The following BUD13 variants were observed in gnomAD, a reference collection of about 807,000 sequenced individuals.
BUD13 encodes BUD13 spliceosome associated protein.
Under a neutral mutation model 62.5 loss-of-function variants are expected in BUD13, and 47 were observed. The observed-to-expected ratio is 0.75, with a 90% confidence interval of 0.60 to 0.96. The LOEUF is 0.96. BUD13 is among the 40% of genes least tolerant of loss of function. The probability of loss-of-function intolerance (pLI) is 0.00; values close to 1 mark genes in which losing one functional copy is unlikely to be tolerated. For missense variants in BUD13, 821 were observed against 790.9 expected, an observed-to-expected ratio of 1.04 and a Z score of -0.46; for synonymous variants, 293 against 280.1, an observed-to-expected ratio of 1.05 and a Z score of -0.46.
chr11:116,771,043 C>T (rs537393045), intron 1 of BUD13, among the ~76,000 whole-genome samples: 1 of 152,316 alleles, frequency 6.6e-6, no homozygotes, highest in Admixed American at 6.5e-5. Context: ...AATCCACCCG[C>T]CTTGGCCTCC....
chr11:116,749,113 A>G (rs912819127), intron 9 of BUD13, among the ~76,000 whole-genome samples: 5 of 151,888 alleles, frequency 3.3e-5, no homozygotes, highest in Non-Finnish European at 7.4e-5. Context: ...CCCTTCCCCC[A>G]CTCTGACAGC....
chr11:116,772,986 A>G lies in BUD13; in HGVS notation c.-22T>C. The G allele has an allele frequency of 6.6e-7, 1 of 1,523,442 alleles. No individual in the cohort carries two copies. Among genetic ancestry groups the G allele is most frequent in the Non-Finnish European group, 8.8e-7 (1 of 1,130,026 alleles). 94.4% of individuals were successfully genotyped at this position (1,523,442 alleles called of 1,614,324 possible). A position where few individuals can be genotyped will look rare whatever the true frequency, so the allele number is the denominator to read the frequency against. ...CCATGGCAGCGGCGGGGGCAGAGAG[A>G]CGGGTCGGCGCTGGGGACAAAATGC... On this transcript the variant is annotated 5_prime_UTR_variant, in exon 1 of 10. Transcript: ENST00000260210.
chr11:116,756,534 G>C (rs184267523), intron 9 of BUD13, among the ~76,000 whole-genome samples: 1 of 151,968 alleles, frequency 6.6e-6, no homozygotes, highest in East Asian at 1.9e-4. Context: ...ACTGTAAAAG[G>C]GTCCTGAGAT....
At chr11:116,772,374 G>A (rs906371460) in intron 1 of BUD13, among the ~76,000 whole-genome samples, 3 of 152,176 alleles carry the variant, frequency 2.0e-5, no homozygotes, top group African/African-American at 7.2e-5. Flanking sequence ...AGCTTCTCAC[G>A]TTAGGACTAT....
At chr11:116,767,934 C>G (rs1940560448) in intron 2 of BUD13, among the ~76,000 whole-genome samples, 1 of 151,134 alleles carries the variant, frequency 6.6e-6, no homozygotes, top group East Asian at 1.9e-4. Context: ...GATCACACCA[C>G]TGTATTTCAG....
In BUD13 at chr11:116,748,367, A is replaced by G; in HGVS notation, c.*115T>C. On this transcript the variant is annotated 3_prime_UTR_variant, in exon 10 of 10. Transcript: ENST00000260210. Reference sequence around the variant, plus strand: ...CTTCTGTGGTCAAAACTGGCATTCAACAAGTTGCTGGTCTGTGTGGGCTCC... The same window carrying G: ...CTTCTGTGGTCAAAACTGGCATTCAGCAAGTTGCTGGTCTGTGTGGGCTCC... The G allele has an allele frequency of 1.1e-6, 1 of 875,296 alleles. No individual in the cohort carries two copies. The highest frequency in any genetic ancestry group is 1.8e-6 in the Non-Finnish European group (1 of 547,822). The allele number at this position is 875,296 out of a possible 1,614,324, so 54.2% of individuals were successfully genotyped here.
At chr11:116,758,998 T>C in intron 6 of BUD13, 76 bp downstream of exon 6, 1 of 1,038,974 alleles carries the variant, frequency 9.6e-7, no homozygotes. Flanking sequence ...GTTCAAAATA[T>C]CAGGTACAAT....
At chr11:116,758,073 G>A in intron 7 of BUD13, 123 bp from the exon 8 acceptor site, 1 of 1,421,164 alleles carries the variant, frequency 7.0e-7, no homozygotes, top group Non-Finnish European at 9.5e-7. Flanking sequence ...CAAATACTGA[G>A]CAGGGTAAAA....
At position 116,769,008 on chromosome 11, in the gene BUD13, C is replaced by A. The variant is rs561368425; in HGVS notation, c.237+1121G>T. 3.9e-5 allele frequency among the ~76,000 whole-genome samples: 5 copies of A among 127,832 alleles called. No individual in the cohort carries two copies. The South Asian group carries it at 1.4e-3, about 35-fold the overall frequency. 83.9% of individuals were successfully genotyped at this position (127,832 alleles called of 152,430 possible). ...CAAGCCTGGGCAACACGGTGAGACT[C>A]CGTCTCAAAAAAAAAAAAAAAAAAA... On this transcript the variant is annotated intron_variant, in intron 2 of 9. Transcript: ENST00000260210.
At chr11:116,768,557 T>C (rs1468230551) in intron 2 of BUD13, among the ~76,000 whole-genome samples, 1 of 152,206 alleles carries the variant, frequency 6.6e-6, no homozygotes, top group Non-Finnish European at 1.5e-5. Flanking sequence ...AAATATTCTG[T>C]AATAAATATG....
At chr11:116,763,988 A>G (rs896888137) in intron 3 of BUD13, among the ~76,000 whole-genome samples, 1 of 152,238 alleles carries the variant, frequency 6.6e-6, no homozygotes, top group Admixed American at 6.5e-5. Flanking sequence ...TCATTTATAG[A>G]TGAGGAAGTT....
chr11:116,752,119 A>AT (rs796468310), intron 9 of BUD13, among the ~76,000 whole-genome samples: 16 of 151,566 alleles, frequency 1.1e-4, no homozygotes, highest in African/African-American at 3.4e-4. Flanking sequence ...AATTTTTTGT[A>AT]TTTTTTTTAG....
At chr11:116,770,259 A>G in intron 1 of BUD13, 37 bp from the exon 2 acceptor site, 1 of 1,540,936 alleles carries the variant, frequency 6.5e-7, no homozygotes, top group Non-Finnish European at 8.9e-7. Flanking sequence ...GAGTCATTCT[A>G]GGATACCAGC....
At chr11:116,753,068 A>G (rs1282276224) in intron 9 of BUD13, among the ~76,000 whole-genome samples, 2 of 152,196 alleles carry the variant, frequency 1.3e-5, no homozygotes, top group Non-Finnish European at 2.9e-5. Context: ...AACCTAGACA[A>G]AACAAAAAAA....
chr11:116,758,765 T>C (rs1055864416), intron 6 of BUD13, among the ~76,000 whole-genome samples: 2 of 151,764 alleles, frequency 1.3e-5, no homozygotes, highest in African/African-American at 4.8e-5. Flanking sequence ...TTTTTTTTTG[T>C]ATTTTTGGTA....
intron 3 of BUD13, 101 bp downstream of exon 3, chr11:116,765,261 T>G (rs548861532): frequency 1.6e-6 from 2 of 1,250,570 alleles, no homozygotes; most frequent in South Asian, 2.6e-5. Context: ...ATCAATGACA[T>G]GCTAAAACAA....
At chr11:116,761,907 T>C (rs1940437927) in intron 4 of BUD13, among the ~76,000 whole-genome samples, 2 of 152,140 alleles carry the variant, frequency 1.3e-5, no homozygotes, top group South Asian at 4.1e-4. Flanking sequence ...GAAACTTATA[T>C]AGAAGTAGTT....
chr11:116,756,984 G>C (rs1940337213), intron 9 of BUD13, among the ~76,000 whole-genome samples, 162 bp downstream of exon 9: 1 of 152,206 alleles, frequency 6.6e-6, no homozygotes, highest in Admixed American at 6.5e-5. Flanking sequence ...AGTGTTCCAA[G>C]CATGAGAAAT....
chr11:116,765,295 G>T, intron 3 of BUD13, 67 bp downstream of exon 3: 1 of 1,509,586 alleles, frequency 6.6e-7, no homozygotes, highest in Non-Finnish European at 9.2e-7. Flanking sequence ...CTAAAGAAAA[G>T]TATAGAAAAG....
Sources: gnomAD v4.1 joint callset for allele counts (sites outside exome capture counted in the v4.1 genomes callset) on GRCh38, gnomAD v4.1.1 for gene constraint, MANE v1.5 for transcripts, NCBI Gene and HGNC (gene_info 2026-07-23, HGNC 2026-07-21) for gene names.